KCNN2: variants seen among roughly 807,000 people sequenced by gnomAD.
KCNN2 encodes the protein potassium calcium-activated channel subfamily N member 2, also known as small conductance calcium-activated potassium channel protein 2.
A neutral mutation model predicts 55.5 loss-of-function variants in KCNN2; 24 were observed. The observed-to-expected ratio is 0.43, with a 90% CI of 0.31 to 0.61. The LOEUF is 0.61. Ranked by LOEUF, KCNN2 falls within the 20% of genes least tolerant of loss-of-function variation. The pLI is 0.08. For missense variants in KCNN2, 754 were observed against 853.6 expected (o/e 0.88, Z 1.45); for synonymous variants, 431 against 336.1 (o/e 1.28, Z -3.09).
upstream of KCNN2, among the ~76,000 whole-genome samples, chr5:114,358,972 T>C (rs1580744918): frequency 6.6e-6 from 1 of 152,244 alleles, no homozygotes; most frequent in African/African-American, 2.4e-5. Context: ...AATGAAGTTA[T>C]GATTCAGACT....
chr5:114,123,564 T>C (rs1309669759), intron 1 of KCNN2, among the ~76,000 whole-genome samples: 5 of 81,774 alleles, frequency 6.1e-5, no homozygotes, highest in African/African-American at 2.6e-4. Context: ...GGGGTTTCAC[T>C]GTGTTAGCCA....
intron 2 of KCNN2, among the ~76,000 whole-genome samples, chr5:114,341,869 A>G (rs1757021344): frequency 6.6e-6 from 1 of 151,634 alleles, no homozygotes; most frequent in African/African-American, 2.4e-5. Context: ...GTTAAAATAG[A>G]GCATAAAACA....
intron 4 of KCNN2, among the ~76,000 whole-genome samples, chr5:114,471,719 A>T (rs915965621): frequency 6.6e-6 from 1 of 152,168 alleles, no homozygotes; most frequent in Non-Finnish European, 1.5e-5. Context: ...TTTCTTTCTG[A>T]GGATACTGAT....
intron 1 of KCNN2, among the ~76,000 whole-genome samples, chr5:114,063,281 G>T (rs901845414): frequency 6.6e-6 from 1 of 152,198 alleles, no homozygotes; most frequent in Non-Finnish European, 1.5e-5. Flanking sequence ...CTTTGACAGG[G>T]CATCTCTGGC....
At position 114,211,784 on chromosome 5, in the gene KCNN2, AG is replaced by A. The variant is rs542687666; in HGVS notation, c.-270-9694del. ...TGCTATTTTCTATATAGACAGAAAA[AG>A]GTTGCATATACCTTATTTCTATCCT... On this transcript the variant is annotated intron_variant, in intron 1 of 10. Transcript: ENST00000512097. 2.9e-3 allele frequency among the ~76,000 whole-genome samples: 434 copies of A among 152,152 alleles called. 1 individual carries two copies. The highest frequency in any genetic ancestry group is 1.0e-2 in the African/African-American group (414 of 41,548).
intron 2 of KCNN2, among the ~76,000 whole-genome samples, chr5:114,265,374 GATTT>G (rs1755190108): frequency 6.6e-6 from 1 of 150,690 alleles, no homozygotes; most frequent in Non-Finnish European, 1.5e-5. Flanking sequence ...TGCATAAAGA[GATTT>G]ATTATGAGAA....
chr5:114,094,323 C>T (rs970305559), intron 1 of KCNN2, among the ~76,000 whole-genome samples: 1 of 152,126 alleles, frequency 6.6e-6, no homozygotes, highest in Non-Finnish European at 1.5e-5. Flanking sequence ...CCCCACCAGA[C>T]CTGAGCATTT....
In KCNN2 at chr5:114,461,992, T is replaced by C. The variant is rs1008156522; in HGVS notation, c.1638-1057T>C. Among the ~76,000 whole-genome samples, 4 of 152,150 alleles carry C rather than the reference T, an allele frequency of 2.6e-5. No individual in the cohort carries two copies. In the East Asian group the frequency reaches 5.8e-4, roughly 22 times the overall value. On this transcript the variant is annotated intron_variant, in intron 3 of 7. Transcript: ENST00000673685. Reference sequence around the variant, plus strand: ...GTATCTGAGAGATGGGAAGGAGTGATGGTCCTTTCCAATGGTGGGTGAAAA... The same window carrying C: ...GTATCTGAGAGATGGGAAGGAGTGACGGTCCTTTCCAATGGTGGGTGAAAA...
intron 1 of KCNN2, among the ~76,000 whole-genome samples, chr5:114,109,994 A>G (rs76435429): frequency 0.046 from 7,007 of 152,076 alleles, 535 homozygotes; most frequent in African/African-American, 0.16. Flanking sequence ...CTCATGAATG[A>G]GATTAAGGCT....
At chr5:114,409,267 G>C (rs1447018865) in intron 3 of KCNN2, among the ~76,000 whole-genome samples, 1 of 152,068 alleles carries the variant, frequency 6.6e-6, no homozygotes, top group Non-Finnish European at 1.5e-5. Flanking sequence ...TCCACATTTG[G>C]TTTTTATTAA....
chr5:114,377,937 T>C (rs1757992297), intron 2 of KCNN2, among the ~76,000 whole-genome samples: 2 of 152,214 alleles, frequency 1.3e-5, no homozygotes, highest in East Asian at 1.9e-4. Flanking sequence ...CTTCTGTCAT[T>C]ATTATTAAGT....
At chr5:114,232,716 G>C (rs1754386821) in intron 2 of KCNN2, among the ~76,000 whole-genome samples, 1 of 150,448 alleles carries the variant, frequency 6.6e-6, no homozygotes, top group South Asian at 2.1e-4. Flanking sequence ...ACTTTGCGGT[G>C]TCAAAAAGTT....
At chr5:114,376,118 G>A (rs1757930632) in intron 2 of KCNN2, among the ~76,000 whole-genome samples, 1 of 151,586 alleles carries the variant, frequency 6.6e-6, no homozygotes, top group African/African-American at 2.4e-5. Flanking sequence ...TCTTACACTG[G>A]GGAATGAAGA....
At chr5:114,376,716 A>T (rs1757959005) in intron 2 of KCNN2, among the ~76,000 whole-genome samples, 1 of 152,170 alleles carries the variant, frequency 6.6e-6, no homozygotes, top group East Asian at 1.9e-4. Flanking sequence ...TCTTAAACAC[A>T]ATGGGGGAAA....
chr5:114,155,436 A>T (rs1038568292), intron 1 of KCNN2, among the ~76,000 whole-genome samples: 1 of 151,980 alleles, frequency 6.6e-6, no homozygotes, highest in South Asian at 2.1e-4. Flanking sequence ...TGTTATTTCT[A>T]TTTTTAGGTC....
At chr5:114,472,443 A>G (rs988783559) in intron 4 of KCNN2, among the ~76,000 whole-genome samples, 2 of 152,164 alleles carry the variant, frequency 1.3e-5, no homozygotes, top group Non-Finnish European at 2.9e-5. Flanking sequence ...AAACCTGTAA[A>G]ATGGTATAAT....
chr5:114,370,367 C>T (rs1240003876), intron 2 of KCNN2, among the ~76,000 whole-genome samples: 1 of 152,022 alleles, frequency 6.6e-6, no homozygotes, highest in East Asian at 1.9e-4. Context: ...TTGAGGTCTG[C>T]AAATGCAATG....
chr5:114,374,110 A>G (rs1361725984), intron 2 of KCNN2, among the ~76,000 whole-genome samples: 3 of 152,066 alleles, frequency 2.0e-5, no homozygotes, highest in African/African-American at 7.2e-5. Flanking sequence ...CAAAATGGCC[A>G]TTTTCCACAT....
intron 3 of KCNN2, among the ~76,000 whole-genome samples, chr5:114,450,768 G>A (rs1760637307): frequency 6.6e-6 from 1 of 152,014 alleles, no homozygotes; most frequent in South Asian, 2.1e-4. Flanking sequence ...TTTTTTTCTT[G>A]TTGCTGCCTT....
Sources: gnomAD v4.1 joint callset for allele counts (sites outside exome capture counted in the v4.1 genomes callset) on GRCh38, gnomAD v4.1.1 for gene constraint, MANE v1.5 for transcripts, NCBI Gene and HGNC (gene_info 2026-07-23, HGNC 2026-07-21) for gene names.